The following EPHB2 variants were observed in gnomAD, a reference collection of about 807,000 sequenced individuals.
EPHB2 encodes EPH receptor B2, also known as ephrin type-B receptor 2.
Under a neutral mutation model 96.4 loss-of-function variants are expected in EPHB2, and 18 were observed. The ratio of observed to expected loss-of-function variants is 0.19; its 90% CI spans 0.13 to 0.28. The LOEUF (loss-of-function observed/expected upper bound fraction) is 0.28, where lower values mean the gene tolerates loss of function less well. Ranked by LOEUF, EPHB2 falls within the 10% of genes least tolerant of loss-of-function variation. EPHB2 has a pLI of 1.00. For missense variants in EPHB2, 989 were observed against 1,355.4 expected (o/e 0.73, Z 4.25); for synonymous variants, 506 against 534.1 (o/e 0.95, Z 0.72).
At chr1:22,756,791 C>T (rs1038665407) in intron 1 of EPHB2, among the ~76,000 whole-genome samples, 7 of 152,032 alleles carry the variant, frequency 4.6e-5, no homozygotes, top group African/African-American at 1.7e-4. Context: ...AGGCTACAGG[C>T]AAGAACCTTA....
rs187314191 is a variant in EPHB2, at chr1:22,784,032, A to C, written c.127-360A>C. Reference sequence around the variant, plus strand: ...CTCCTCCATCAGACTGGTAGCCCCCACAACCACAAAGCTATGTCTACTTTC... The same window carrying C: ...CTCCTCCATCAGACTGGTAGCCCCCCCAACCACAAAGCTATGTCTACTTTC... On this transcript the variant is annotated intron_variant, in intron 2 of 15. Coordinates refer to ENST00000374630, the MANE Select transcript of EPHB2 (RefSeq NM_017449.5). This position sits in a 1 kb window ranked among gnomAD's most constrained non-coding sequence, Gnocchi z 5.1. Among the ~76,000 whole-genome samples the C allele has an allele frequency of 6.6e-6, 1 of 152,108 alleles. No individual in the cohort carries two copies. The highest frequency in any genetic ancestry group is 2.4e-5 in the African/African-American group (1 of 41,422).
intron 9 of EPHB2, among the ~76,000 whole-genome samples, chr1:22,903,848 CAT>C (rs558550568): frequency 6.6e-4 from 101 of 152,292 alleles, no homozygotes; most frequent in African/African-American, 2.2e-3. Flanking sequence ...AGAAAAAAAA[CAT>C]GTGTCCATTT....
chr1:22,833,717 A>T lies in EPHB2; in HGVS notation c.812-29320A>T, dbSNP rs59901342. Reference sequence around the variant, plus strand: ...GTTTTAAATGGATTATAAATAAAACATACAAGAGTATAAAGTCAAATACGT... The same window carrying T: ...GTTTTAAATGGATTATAAATAAAACTTACAAGAGTATAAAGTCAAATACGT... On this transcript the variant is annotated intron_variant, in intron 3 of 15. Coordinates refer to ENST00000374630, the MANE Select transcript of EPHB2 (RefSeq NM_017449.5). 3.8e-3 allele frequency among the ~76,000 whole-genome samples: 579 copies of T among 152,350 alleles called. 26 individuals carry two copies. In the East Asian group the frequency reaches 0.082, roughly 22 times the overall value.
intron 3 of EPHB2, among the ~76,000 whole-genome samples, chr1:22,849,231 T>G (rs1339623136): frequency 6.6e-6 from 1 of 152,208 alleles, no homozygotes; most frequent in Non-Finnish European, 1.5e-5. Context: ...CCTCAGGTGT[T>G]GCCTCTTCAA....
intron 1 of EPHB2, among the ~76,000 whole-genome samples, chr1:22,765,075 A>C (rs1333556160): frequency 3.3e-5 from 5 of 152,204 alleles, no homozygotes; most frequent in Non-Finnish European, 5.9e-5. Context: ...TGTCTGTCTG[A>C]GTCTAATTCT....
intron 1 of EPHB2, among the ~76,000 whole-genome samples, chr1:22,719,839 CA>C (rs1339000138): frequency 1.3e-5 from 2 of 152,198 alleles, no homozygotes; most frequent in Non-Finnish European, 2.9e-5. Context: ...TCCTGAAAAG[CA>C]TATCACTTAT....
chr1:22,840,836 C>T (rs1645456764), intron 3 of EPHB2, among the ~76,000 whole-genome samples: 1 of 152,186 alleles, frequency 6.6e-6, no homozygotes, highest in Non-Finnish European at 1.5e-5. Flanking sequence ...TAGCACTTTA[C>T]ACATGTTAAT....
intron 1 of EPHB2, among the ~76,000 whole-genome samples, chr1:22,734,089 C>G (rs1464829821): frequency 2.0e-5 from 3 of 152,228 alleles, no homozygotes; most frequent in Non-Finnish European, 1.5e-5. Flanking sequence ...CTGGGCCTCC[C>G]ACCCAGGGCC....
At position 22,779,208 on chromosome 1, in the gene EPHB2, C is replaced by T. The variant is rs371887176; in HGVS notation, c.62-2213C>T. On this transcript the variant is annotated intron_variant, in intron 1 of 15. Coordinates refer to ENST00000374630, the MANE Select transcript of EPHB2 (RefSeq NM_017449.5). ...TAGCATTCGGAGTGTGAAAAGGAAC[C>T]CTTTTTTCAGCTCCAAAGCTGCATA... Among the ~76,000 whole-genome samples, 17 of 152,310 alleles carry T rather than the reference C, an allele frequency of 1.1e-4. No homozygotes were observed. The East Asian group carries it at 3.1e-3, about 28-fold the overall frequency.
chr1:22,870,412 A>AC (rs1273863225), intron 5 of EPHB2, among the ~76,000 whole-genome samples: 2 of 152,128 alleles, frequency 1.3e-5, no homozygotes, highest in African/African-American at 2.4e-5. Context: ...ACAGTGGCAG[A>AC]CCCAGGAGTC....
chr1:22,866,057 C>T (rs1638464437), intron 5 of EPHB2, among the ~76,000 whole-genome samples: 1 of 152,114 alleles, frequency 6.6e-6, no homozygotes, highest in African/African-American at 2.4e-5. Context: ...GACCACTGTC[C>T]TCAGTGTCAT....
At chr1:22,870,147 G>A (rs1638614349) in intron 5 of EPHB2, among the ~76,000 whole-genome samples, 1 of 152,118 alleles carries the variant, frequency 6.6e-6, no homozygotes, top group Admixed American at 6.5e-5. Flanking sequence ...GCCTTAAAAG[G>A]AAAAAGTGTT....
chr1:22,736,055 A>T (rs1643820639), intron 1 of EPHB2, among the ~76,000 whole-genome samples: 2 of 152,202 alleles, frequency 1.3e-5, no homozygotes, highest in Admixed American at 1.3e-4. Flanking sequence ...TAAAATGAGG[A>T]TGATAAATAG....
chr1:22,869,975 G>C (rs972203245), intron 5 of EPHB2, among the ~76,000 whole-genome samples: 1 of 152,210 alleles, frequency 6.6e-6, no homozygotes. Flanking sequence ...AACATTCAGC[G>C]AACATTTGCA....
At chr1:22,910,351 C>T (rs200474895) in intron 13 of EPHB2, 31 bp from the exon 14 acceptor site, 456 of 1,614,004 alleles carry the variant, frequency 2.8e-4, no homozygotes, top group Non-Finnish European at 3.8e-4. Flanking sequence ...GCCCATCCAC[C>T]CAACCCCACT....
intron 6 of EPHB2, chr1:22,891,257 T>C (rs1004495177): frequency 6.6e-6 from 3 of 453,950 alleles, no homozygotes; most frequent in Non-Finnish European, 4.4e-6. Flanking sequence ...AAGCCTGTAA[T>C]AACATTGCAC....
intron 2 of EPHB2, among the ~76,000 whole-genome samples, chr1:22,782,141 G>A (rs1644542003): frequency 6.6e-6 from 1 of 152,142 alleles, no homozygotes; most frequent in Non-Finnish European, 1.5e-5. Flanking sequence ...TCTTAGCTCT[G>A]CCACTCACCA....
intron 1 of EPHB2, among the ~76,000 whole-genome samples, chr1:22,752,846 T>C (rs1273525229): frequency 6.6e-6 from 1 of 152,188 alleles, no homozygotes; most frequent in Non-Finnish European, 1.5e-5. Context: ...TGCAGTGGTA[T>C]AGTCATGACT....
At chr1:22,713,713 G>A (rs1643219437) in intron 1 of EPHB2, among the ~76,000 whole-genome samples, 2 of 152,150 alleles carry the variant, frequency 1.3e-5, no homozygotes, top group African/African-American at 2.4e-5. Context: ...GAGCCACATG[G>A]CTACCACTTC....
Sources: gnomAD v4.1 joint callset for allele counts (sites outside exome capture counted in the v4.1 genomes callset) on GRCh38, gnomAD v4.1.1 for gene constraint, Gnocchi (gnomAD v3.1) non-coding constraint, MANE v1.5 for transcripts, NCBI Gene and HGNC (gene_info 2026-07-23, HGNC 2026-07-21) for gene names.